The following GRB14 variants were observed in gnomAD, a reference collection of about 807,000 sequenced individuals.
The protein encoded by GRB14 is growth factor receptor bound protein 14, also known as growth factor receptor-bound protein 14.
Under a neutral mutation model 69.1 loss-of-function variants are expected in GRB14, and 38 were observed. That is an observed-to-expected ratio of 0.55 (90% CI 0.42 to 0.72). The LOEUF (loss-of-function observed/expected upper bound fraction) is 0.72, where lower values mean the gene tolerates loss of function less well. Among genes scored for constraint, GRB14 ranks in the 30% least tolerant of loss-of-function variants. The pLI, the probability that GRB14 is intolerant of heterozygous loss-of-function variation, is 0.00. For synonymous variants in GRB14, 247 were observed against 241.3 expected (o/e 1.02, Z -0.22); for missense variants, 666 against 666.1 (o/e 1.00, Z 0.00).
intron 5 of GRB14, among the ~76,000 whole-genome samples, chr2:164,523,803 T>G (rs570871979): frequency 1.3e-5 from 2 of 152,102 alleles, no homozygotes; most frequent in African/African-American, 4.8e-5. Flanking sequence ...TTCCAAAGCC[T>G]GTGATTTTTC....
At chr2:164,549,259 C>T (rs1290724797) in intron 2 of GRB14, among the ~76,000 whole-genome samples, 1 of 152,074 alleles carries the variant, frequency 6.6e-6, no homozygotes, top group Non-Finnish European at 1.5e-5. Context: ...GATATTAACC[C>T]TTATAATTAC....
At chr2:164,609,181 GT>G (rs1690108665) in intron 2 of GRB14, among the ~76,000 whole-genome samples, 1 of 152,198 alleles carries the variant, frequency 6.6e-6, no homozygotes, top group Non-Finnish European at 1.5e-5. Flanking sequence ...TCTCCCAGCT[GT>G]TAGAGTATCA....
intron 3 of GRB14, among the ~76,000 whole-genome samples, chr2:164,533,898 T>C (rs1267847520): frequency 6.6e-6 from 1 of 151,998 alleles, no homozygotes; most frequent in Non-Finnish European, 1.5e-5. Flanking sequence ...AGAATACCAA[T>C]CTTGAAAAAA....
At chr2:164,592,849 A>G (rs941239921) in intron 2 of GRB14, among the ~76,000 whole-genome samples, 6 of 152,160 alleles carry the variant, frequency 3.9e-5, no homozygotes, top group African/African-American at 1.4e-4. Context: ...TTTCCTTTTA[A>G]TATTGCTCTG....
At chr2:164,597,395 T>C (rs192508453) in intron 2 of GRB14, among the ~76,000 whole-genome samples, 1 of 152,278 alleles carries the variant, frequency 6.6e-6, no homozygotes, top group Admixed American at 6.5e-5. Context: ...TTCAAAATTA[T>C]GTGATAGGGA....
In GRB14 at chr2:164,494,506, A is replaced by G. The variant is rs140187662; in HGVS notation, c.1401T>C (p.Asp467=). 18 of 1,571,900 alleles carry G rather than the reference A, an allele frequency of 1.1e-5. No homozygotes were observed. The East Asian group carries it at 1.8e-4, about 16-fold the overall frequency. Reference sequence around the variant, plus strand: ...CGAAAGTTTTGGGGTTACTCTGACTATCCCGTACCAAGAAAACTCTAAAGA... The same window carrying G: ...CGAAAGTTTTGGGGTTACTCTGACTGTCCCGTACCAAGAAAACTCTAAAGA... The part of the protein sequence containing the change: ...GLVDGVFLVR[D]SQSNPKTFVL... The change falls in exon 13 of 14, where the codon GAT becomes GAC. Residue 467 remains aspartate, a synonymous_variant. Transcript: ENST00000263915.
intron 2 of GRB14, among the ~76,000 whole-genome samples, chr2:164,581,426 A>C (rs1689402102): frequency 6.6e-6 from 1 of 152,170 alleles, no homozygotes; most frequent in Non-Finnish European, 1.5e-5. Flanking sequence ...GAGAGAAGCT[A>C]ATGTTTCCGT....
In GRB14 at chr2:164,525,007, C is replaced by A. The variant is rs746587697; in HGVS notation, c.675G>T (p.Leu225Phe). The A allele has an allele frequency of 6.2e-5, 97 of 1,553,622 alleles. No individual in the cohort carries two copies. Among genetic ancestry groups the A allele is most frequent in the Non-Finnish European group, 7.9e-5 (90 of 1,139,244 alleles). The change falls in exon 5 of 14, where the codon TTG becomes TTT. Residue 225 changes from leucine (L) to phenylalanine (F), a missense_variant. Leu to Phe is a conservative substitution (Grantham distance 22). Coordinates refer to ENST00000263915, the MANE Select transcript of GRB14 (RefSeq NM_004490.3). ...TNGEISPTQI[L>F]QMFLSSSTYP... ...TGTTAATAAAAATATATTTTACCTG[C>A]AAAATCTGTGTGGGGGATATTTCAC...
chr2:164,566,881 A>G (rs1373037291), intron 2 of GRB14, among the ~76,000 whole-genome samples: 1 of 152,178 alleles, frequency 6.6e-6, no homozygotes, highest in African/African-American at 2.4e-5. Context: ...CCAAGAGTTT[A>G]CTGGATTTGC....
chr2:164,496,648 C>T (rs685769), intron 12 of GRB14, among the ~76,000 whole-genome samples: 55,665 of 151,940 alleles, frequency 0.37, 10,785 homozygotes, highest in East Asian at 0.62. Context: ...AACCATACTT[C>T]GAAATCATAT....
intron 4 of GRB14, among the ~76,000 whole-genome samples, chr2:164,525,366 C>T (rs1282517478): frequency 6.6e-6 from 1 of 151,990 alleles, no homozygotes; most frequent in African/African-American, 2.4e-5. Context: ...GTGCTTGCTC[C>T]CACATCTTAT....
chr2:164,597,432 C>A (rs1427808178), intron 2 of GRB14, among the ~76,000 whole-genome samples: 1 of 152,044 alleles, frequency 6.6e-6, no homozygotes, highest in Non-Finnish European at 1.5e-5. Flanking sequence ...GATGTAGCCC[C>A]TCCTTTCAAA....
intron 2 of GRB14, among the ~76,000 whole-genome samples, chr2:164,554,233 T>A (rs970033124): frequency 6.6e-6 from 1 of 152,128 alleles, no homozygotes; most frequent in Non-Finnish European, 1.5e-5. Flanking sequence ...AAAAAAAATT[T>A]AAACATTATA....
At chr2:164,581,093 G>A (rs558492975) in intron 2 of GRB14, among the ~76,000 whole-genome samples, 56 of 152,114 alleles carry the variant, frequency 3.7e-4, no homozygotes, top group Non-Finnish European at 6.3e-4. Flanking sequence ...TTTCCACTAT[G>A]ACATATACAA....
At chr2:164,494,022 A>T (rs1173325781) in intron 13 of GRB14, among the ~76,000 whole-genome samples, 1 of 152,168 alleles carries the variant, frequency 6.6e-6, no homozygotes, top group East Asian at 1.9e-4. Flanking sequence ...CTCTGTTTCT[A>T]GCCATAGCCA....
intron 2 of GRB14, among the ~76,000 whole-genome samples, chr2:164,548,334 T>C (rs1202889737): frequency 6.6e-6 from 1 of 152,224 alleles, no homozygotes; most frequent in Non-Finnish European, 1.5e-5. Flanking sequence ...TTGTAGCAAA[T>C]GGCAGCATAT....
intron 2 of GRB14, among the ~76,000 whole-genome samples, chr2:164,611,040 G>T (rs1690156903): frequency 4.6e-5 from 7 of 152,110 alleles, no homozygotes; most frequent in Admixed American, 3.3e-4. Flanking sequence ...TAAAGCCTTG[G>T]AGATAGAAAA....
At chr2:164,558,684 A>G (rs1688745311) in intron 2 of GRB14, among the ~76,000 whole-genome samples, 1 of 152,198 alleles carries the variant, frequency 6.6e-6, no homozygotes, top group Non-Finnish European at 1.5e-5. Flanking sequence ...GTTGGACACA[A>G]TGTTATTTCA....
At chr2:164,611,529 C>A (rs1230257630) in intron 2 of GRB14, among the ~76,000 whole-genome samples, 1 of 151,420 alleles carries the variant, frequency 6.6e-6, no homozygotes, top group Non-Finnish European at 1.5e-5. Context: ...GTTACGACCA[C>A]CCCGTACCTA....
Sources: allele counts gnomAD v4.1 joint callset (sites outside exome capture counted in the v4.1 genomes callset), GRCh38; gene constraint gnomAD v4.1.1; transcripts MANE v1.5; gene names NCBI Gene and HGNC (gene_info 2026-07-23, HGNC 2026-07-21).